DRC8: variants seen among roughly 807,000 people sequenced by gnomAD.
The protein encoded by DRC8 is dynein regulatory complex protein 8.
chr1:245,092,626 CAG>C, the DRC8 span, among the ~76,000 whole-genome samples: 1 of 152,198 alleles, frequency 6.6e-6, no homozygotes, highest in East Asian at 1.9e-4. Flanking sequence ...ACCCCTGAAA[CAG>C]AATCTCTGGA....
At chr1:244,990,619 A>T in the DRC8 span, among the ~76,000 whole-genome samples, 4 of 152,112 alleles carry the variant, frequency 2.6e-5, no homozygotes, top group African/African-American at 9.7e-5. Context: ...CTCCTATGTC[A>T]CTATGACATA....
At chr1:245,114,122 C>G in the DRC8 span, among the ~76,000 whole-genome samples, 12 of 152,182 alleles carry the variant, frequency 7.9e-5, no homozygotes, top group Non-Finnish European at 1.5e-5. Context: ...GCTACCAACT[C>G]CCTTACTGGT....
At chr1:245,079,148 T>C in the DRC8 span, among the ~76,000 whole-genome samples, 1 of 152,210 alleles carries the variant, frequency 6.6e-6, no homozygotes, top group Non-Finnish European at 1.5e-5. Context: ...AGAATTATTG[T>C]ATAATTTTAT....
the DRC8 span, chr1:245,082,202 C>A: frequency 2.6e-6 from 4 of 1,512,328 alleles, no homozygotes; most frequent in South Asian, 3.4e-5. Context: ...AAGTAATGGT[C>A]AGAATTATGA....
the DRC8 span, among the ~76,000 whole-genome samples, chr1:245,026,135 T>A: frequency 6.6e-6 from 1 of 152,228 alleles, no homozygotes; most frequent in African/African-American, 2.4e-5. Context: ...AAGTATCCAC[T>A]TGCTAATACA....
At chr1:244,970,483 C>G in the DRC8 span, 7 of 1,523,042 alleles carry the variant, frequency 4.6e-6, no homozygotes, top group Non-Finnish European at 5.3e-6. Flanking sequence ...CCTCGCCGCC[C>G]GCCGCGACCC....
At chr1:245,042,183 G>A in the DRC8 span, among the ~76,000 whole-genome samples, 4 of 152,204 alleles carry the variant, frequency 2.6e-5, no homozygotes, top group Admixed American at 6.5e-5. Context: ...CTGCGCCATG[G>A]CACATGAAAA....
the DRC8 span, among the ~76,000 whole-genome samples, chr1:245,031,335 C>T: frequency 6.6e-6 from 1 of 152,016 alleles, no homozygotes. Context: ...TAGAGGGGAG[C>T]TGGGAATTAT....
the DRC8 span, among the ~76,000 whole-genome samples, chr1:245,088,665 A>G: frequency 6.6e-6 from 1 of 152,238 alleles, no homozygotes; most frequent in African/African-American, 2.4e-5. This position sits in a 1 kb window ranked among gnomAD's most constrained non-coding sequence, Gnocchi z 4.6. Flanking sequence ...GCAGCTACTC[A>G]GCCTTGCAGG....
At chr1:245,086,785 T>C in the DRC8 span, 1 of 533,570 alleles carries the variant, frequency 1.9e-6, no homozygotes, top group South Asian at 1.4e-5. Flanking sequence ...GGTGGGGAGC[T>C]GTGAAGTGAC....
chr1:245,087,337 A>T, the DRC8 span: 1 of 1,591,648 alleles, frequency 6.3e-7, no homozygotes, highest in Non-Finnish European at 8.5e-7. Context: ...CTATATAACA[A>T]TGATGGTGAT....
the DRC8 span, among the ~76,000 whole-genome samples, chr1:245,076,080 A>G: frequency 3.3e-5 from 5 of 152,228 alleles, no homozygotes; most frequent in African/African-American, 1.2e-4. Context: ...TCCACGTGGC[A>G]TTTTACGGAT....
At chr1:245,004,540 G>A in the DRC8 span, among the ~76,000 whole-genome samples, 1 of 151,834 alleles carries the variant, frequency 6.6e-6, no homozygotes, top group African/African-American at 2.4e-5. Context: ...ACCACACTCA[G>A]TGAATTATAT....
the DRC8 span, among the ~76,000 whole-genome samples, chr1:245,104,900 G>C: frequency 6.6e-6 from 1 of 152,174 alleles, no homozygotes; most frequent in Non-Finnish European, 1.5e-5. Flanking sequence ...CAAGGTCCTC[G>C]TGTTGCATTT....
chr1:245,123,207 C>A, the DRC8 span: 1 of 152,160 alleles, frequency 6.6e-6, no homozygotes, highest in Admixed American at 6.5e-5. The surrounding 1 kb of genome is among the most constrained non-coding windows in gnomAD (Gnocchi z 5.0). Context: ...GGTTTTGCTT[C>A]ATTTTGGCTG....
At chr1:244,977,732 A>G in the DRC8 span, among the ~76,000 whole-genome samples, 4 of 152,204 alleles carry the variant, frequency 2.6e-5, no homozygotes, top group Admixed American at 2.0e-4. Flanking sequence ...ATACTTCTGG[A>G]TATTTATCCT....
the DRC8 span, among the ~76,000 whole-genome samples, chr1:244,993,729 A>G: frequency 2.6e-5 from 4 of 152,238 alleles, no homozygotes; most frequent in African/African-American, 4.8e-5. Context: ...TTGCTGCATC[A>G]TAACATGGTA....
chr1:245,012,459 A>T, the DRC8 span, among the ~76,000 whole-genome samples: 2 of 143,518 alleles, frequency 1.4e-5, no homozygotes, highest in East Asian at 3.9e-4. Flanking sequence ...TACAAAAAGT[A>T]TTATTAGAAA....
chr1:245,040,798 G>T, the DRC8 span, among the ~76,000 whole-genome samples: 40,964 of 151,976 alleles, frequency 0.27, 5,896 homozygotes, highest in Middle Eastern at 0.35. Flanking sequence ...ACACAAACAT[G>T]AATTACTCAA....
Sources: gnomAD v4.1 joint callset for allele counts (sites outside exome capture counted in the v4.1 genomes callset) on GRCh38, gnomAD v4.1.1 for gene constraint, Gnocchi (gnomAD v3.1) non-coding constraint, MANE v1.5 for transcripts, NCBI Gene and HGNC (gene_info 2026-07-23, HGNC 2026-07-21) for gene names.